The following HDAC6 variants were observed in gnomAD, a reference collection of about 807,000 sequenced individuals.
The protein encoded by HDAC6 is histone deacetylase 6.
Under a neutral mutation model 88.9 loss-of-function variants are expected in HDAC6, and 5 were observed. That is an observed-to-expected ratio of 0.06 (90% CI 0.03 to 0.12). HDAC6 has a LOEUF of 0.12. HDAC6 is among the 10% of genes least tolerant of loss of function. HDAC6 has a pLI of 1.00. For synonymous variants in HDAC6, 378 were observed against 398.0 expected (o/e 0.95, Z 0.60); for missense variants, 706 against 1,014.4 (o/e 0.70, Z 4.13).
In HDAC6 at chrX:48,817,470, C is replaced by G; in HGVS notation, c.1925+11C>G. Reference sequence around the variant, plus strand: ...TGGGCATGCCCTACGGTAAGGACTCCCTGGGGACCCCCCAAATCCTGATCC... The same window carrying G: ...TGGGCATGCCCTACGGTAAGGACTCGCTGGGGACCCCCCAAATCCTGATCC... On this transcript the variant is annotated intron_variant, in intron 20 of 28. Transcript: ENST00000334136. 1 of 1,202,285 alleles carries G rather than the reference C, an allele frequency of 8.3e-7. No homozygotes were observed. Among genetic ancestry groups the G allele is most frequent in the Non-Finnish European group, 1.1e-6 (1 of 890,676 alleles).
chrX:48,815,401 C>T lies in HDAC6; in HGVS notation c.1167C>T (p.Arg389=), dbSNP rs782511194. ...ILSLEGGYNL[R]ALAEGVSASL... ...TGCCCCAGGGTGGCTACAACCTCCG[C>T]GCCCTGGCTGAAGGCGTCAGTGCTT... The change falls in exon 15 of 29, where the codon CGC becomes CGT. Residue 389 remains arginine, a synonymous_variant. Transcript: ENST00000334136. 1.2e-5 allele frequency: 15 copies of T among 1,200,457 alleles called. No individual in the cohort carries two copies. Among genetic ancestry groups the T allele is most frequent in the East Asian group, 9.0e-5 (3 of 33,394 alleles).
chrX:48,808,571 A>G (rs888151473), intron 10 of HDAC6, among the ~76,000 whole-genome samples: 4 of 111,981 alleles, frequency 3.6e-5, no homozygotes, highest in African/African-American at 9.8e-5. Context: ...TCACACAGAG[A>G]AGAACTGGGA....
At chrX:48,820,869 G>A (rs1255077417) in intron 23 of HDAC6, among the ~76,000 whole-genome samples, 2 of 111,379 alleles carry the variant, frequency 1.8e-5, no homozygotes, top group East Asian at 5.6e-4. Context: ...CAAGAGTCTC[G>A]CTCTGTCACC....
Position 48,823,656 on chromosome X carries a change from A to T in HDAC6, c.3190-16A>T. 1 of 1,195,079 alleles carries T rather than the reference A, an allele frequency of 8.4e-7. No homozygotes were observed. The highest frequency in any genetic ancestry group is 1.1e-6 in the Non-Finnish European group (1 of 883,087). On this transcript the variant is annotated splice_polypyrimidine_tract_variant and intron_variant, in intron 25 of 28. Transcript: ENST00000334136. ...ATCGGGCTTCTCTGATACATCTCTT[A>T]CTTCTGCGTGTCCAGGGGGCCTCAG...
intron 23 of HDAC6, among the ~76,000 whole-genome samples, chrX:48,822,092 T>C (rs1557030122): frequency 9.0e-6 from 1 of 111,644 alleles, no homozygotes; most frequent in African/African-American, 3.3e-5. Context: ...AAAAAGTCAA[T>C]ACAGGAGTCC....
chrX:48,814,977 A>G lies in HDAC6; in HGVS notation c.1075A>G (p.Thr359Ala), dbSNP rs1200173746. 8.3e-7 allele frequency: 1 copy of G among 1,207,307 alleles called. No homozygotes were observed. Among genetic ancestry groups the G allele is most frequent in the Non-Finnish European group, 1.1e-6 (1 of 894,073 alleles). The change falls in exon 14 of 29, where the codon ACT becomes GCT. Residue 359 changes from threonine (T) to alanine (A), a missense_variant. By Grantham distance (58) the Thr-to-Ala change is moderately conservative. Around this residue, in one of 9 missense-constraint regions of HDAC6, gnomAD observed 106 missense variants for 135.1 expected, o/e 0.78. Transcript: ENST00000334136. The part of the protein sequence containing the change: ...QGDPKGEMAA[T>A]PAGFAQLTHL... ...GTCCCCCCAGGGTGAGATGGCCGCC[A>G]CTCCGGCAGGGTTCGCCCAGCTAAC...
chrX:48,818,208 C>T lies in HDAC6; in HGVS notation c.1995-12C>T, dbSNP rs1183343605. On this transcript the variant is annotated splice_polypyrimidine_tract_variant and intron_variant, in intron 21 of 28. Transcript: ENST00000334136. Reference sequence around the variant, plus strand: ...ACCAGCCATGGTCCGCTTCCCACCCCCTCCCTGGCAGTGTGCTATATGTGT... The same window carrying T: ...ACCAGCCATGGTCCGCTTCCCACCCTCTCCCTGGCAGTGTGCTATATGTGT... 5 of 1,178,783 alleles carry T rather than the reference C, an allele frequency of 4.2e-6. No homozygotes were observed. Among genetic ancestry groups the T allele is most frequent in the Non-Finnish European group, 4.6e-6 (4 of 877,803 alleles).
chrX:48,803,116 T>C lies in HDAC6; in HGVS notation c.223-12T>C. 1 of 1,208,391 alleles carries C rather than the reference T, an allele frequency of 8.3e-7. No homozygotes were observed. Among genetic ancestry groups the C allele is most frequent in the South Asian group, 1.8e-5 (1 of 56,572 alleles). Reference sequence around the variant, plus strand: ...AAATGGATCTGTGTCTCCTTTTTTTTTTCCTCTGCAGGATCTGAACCTTGA... The same window carrying C: ...AAATGGATCTGTGTCTCCTTTTTTTCTTCCTCTGCAGGATCTGAACCTTGA... On this transcript the variant is annotated splice_polypyrimidine_tract_variant and intron_variant, in intron 3 of 28. Coordinates refer to ENST00000334136, the MANE Select transcript of HDAC6 (RefSeq NM_006044.4).
Position 48,823,591 on chromosome X carries a change from A to G in HDAC6, c.3189+3A>G, listed in dbSNP as rs376270415. On this transcript the variant is annotated splice_donor_region_variant and intron_variant, in intron 25 of 28. Transcript: ENST00000334136. Reference sequence around the variant, plus strand: ...TGGAGCTAGGCAGCGAATCTCAGGTAAGGCTCACCACACCCAGGTAGGGGC... The same window carrying G: ...TGGAGCTAGGCAGCGAATCTCAGGTGAGGCTCACCACACCCAGGTAGGGGC... The G allele has an allele frequency of 8.3e-7, 1 of 1,203,020 alleles. No individual in the cohort carries two copies. The highest frequency in any genetic ancestry group is 1.1e-6 in the Non-Finnish European group (1 of 890,474).
intron 10 of HDAC6, among the ~76,000 whole-genome samples, chrX:48,808,718 A>G (rs1455914219): frequency 8.9e-6 from 1 of 112,431 alleles, no homozygotes; most frequent in Non-Finnish European, 1.9e-5. Context: ...CTTTCAGTAG[A>G]TAGTAAAAAA....
chrX:48,822,240 GA>G (rs1367359663), intron 23 of HDAC6, among the ~76,000 whole-genome samples: 1 of 111,676 alleles, frequency 9.0e-6, no homozygotes, highest in Non-Finnish European at 1.9e-5. Flanking sequence ...ACAGTGTGAA[GA>G]CGGATTTCTG....
In HDAC6 at chrX:48,814,611, G is replaced by C. The variant is rs782685934; in HGVS notation, c.933+45G>C. ...TGCCCCCAAAGTGAGGCCCAGCCCCGCCCTTCTGTCAGCGGCTCGGGACAG... is the reference window on the plus strand; with the variant it reads ...TGCCCCCAAAGTGAGGCCCAGCCCCCCCCTTCTGTCAGCGGCTCGGGACAG... On this transcript the variant is annotated intron_variant, in intron 11 of 28. Transcript: ENST00000334136. 4 of 1,206,066 alleles carry C rather than the reference G, an allele frequency of 3.3e-6. No homozygotes were observed. The East Asian group carries it at 8.9e-5, about 27-fold the overall frequency.
chrX:48,810,061 C>G (rs1557025469), intron 10 of HDAC6, among the ~76,000 whole-genome samples: 1 of 106,793 alleles, frequency 9.4e-6, no homozygotes, highest in Non-Finnish European at 1.9e-5. Flanking sequence ...GCAAGGTTAT[C>G]TTGGTGTTCT....
intron 6 of HDAC6, 91 bp from the exon 7 acceptor site, chrX:48,806,277 C>A: frequency 1.8e-6 from 1 of 564,674 alleles, no homozygotes; most frequent in Admixed American, 2.5e-5. Context: ...GTTGGGGGAG[C>A]CAAGCCCTAA....
chrX:48,803,118 T>TC lies in HDAC6; in HGVS notation c.223-8dup, dbSNP rs1351015671. 1.7e-6 allele frequency: 2 copies of TC among 1,206,101 alleles called. No homozygotes were observed. The highest frequency in any genetic ancestry group is 2.2e-6 in the Non-Finnish European group (2 of 891,672). On this transcript the variant is annotated splice_polypyrimidine_tract_variant and intron_variant, in intron 3 of 28. Transcript: ENST00000334136. ...ATGGATCTGTGTCTCCTTTTTTTTT[T>TC]CCTCTGCAGGATCTGAACCTTGAGG...
intron 6 of HDAC6, 33 bp downstream of exon 6, chrX:48,805,704 G>A (rs1557024057): frequency 3.6e-6 from 4 of 1,121,945 alleles, no homozygotes; most frequent in Non-Finnish European, 4.8e-6. Flanking sequence ...GGGATGGGGA[G>A]GAGCCTGCCC....
At chrX:48,823,819 C>T (rs189292324) in intron 26 of HDAC6, 34 bp downstream of exon 26, 2 of 1,190,672 alleles carry the variant, frequency 1.7e-6, no homozygotes, top group Non-Finnish European at 2.3e-6. Flanking sequence ...CTGTGGCTTC[C>T]TTCTCTTGCC....
intron 20 of HDAC6, 198 bp from the exon 21 acceptor site, chrX:48,817,843 C>T (rs1474221096): frequency 2.2e-6 from 1 of 449,102 alleles, no homozygotes; most frequent in Admixed American, 3.9e-5. Flanking sequence ...CCCAGAAGAG[C>T]CCAGGGCCCA....
chrX:48,815,476 T>C lies in HDAC6; in HGVS notation c.1242T>C (p.Gly414=). ...GDPCPMLESP[G]APCRSAQASV... is the part of the protein sequence containing the mutation. The stretch of plus-strand genomic sequence containing the variant: ...CTTGCCCCATGCTGGAGTCACCTGG[T>C]GCCCCCTGCCGGAGGTGAGCCCCGG... Residue 414 remains glycine (G), a synonymous_variant, in exon 15 of 29, where the codon GGT becomes GGC. Transcript: ENST00000334136. 8.3e-7 allele frequency: 1 copy of C among 1,205,706 alleles called. No homozygotes were observed. The highest frequency in any genetic ancestry group is 1.1e-6 in the Non-Finnish European group (1 of 891,219).
Sources: allele counts gnomAD v4.1 joint callset (sites outside exome capture counted in the v4.1 genomes callset), GRCh38; gene constraint gnomAD v4.1.1; regional missense constraint gnomAD v4.1.1; transcripts MANE v1.5; gene names NCBI Gene and HGNC (gene_info 2026-07-23, HGNC 2026-07-21).